Variants in KCTD14 observed in about 807,000 individuals in gnomAD.
KCTD14 encodes the protein potassium channel tetramerization domain containing 14.
In KCTD14, 7 loss-of-function variants were observed where a neutral mutation model predicts 5.9. The ratio of observed to expected loss-of-function variants is 1.19; its 90% CI spans 0.68 to 2.23. The LOEUF is 2.23. Ranked by LOEUF, KCTD14 falls within the 30% of genes most tolerant of loss-of-function variation. The pLI is 0.00. For synonymous variants in KCTD14, 140 were observed against 133.1 expected, an observed-to-expected ratio of 1.05 and a Z score of -0.36; for missense variants, 342 against 332.2, an observed-to-expected ratio of 1.03 and a Z score of -0.23.
At chr11:78,025,516 A>G (rs1417326621), upstream of KCTD14, among the ~76,000 whole-genome samples, 1 of 152,042 alleles carries the variant, frequency 6.6e-6, no homozygotes, top group East Asian at 1.9e-4. Flanking sequence ...CTTCAATCCA[A>G]TCAAGTTGAC....
intron 1 of KCTD14, among the ~76,000 whole-genome samples, chr11:78,021,591 C>A (rs11237359): frequency 0.81 from 122,881 of 151,704 alleles, 49,920 homozygotes; most frequent in Admixed American, 0.83. Context: ...GCTAATTTCT[C>A]TATTTTTTAT....
upstream of KCTD14, among the ~76,000 whole-genome samples, chr11:78,025,017 T>C (rs1857411818): frequency 6.7e-6 from 1 of 148,490 alleles, no homozygotes; most frequent in Non-Finnish European, 1.5e-5. Context: ...ATATATTCCA[T>C]TACTTTTTTA....
intron 1 of KCTD14, among the ~76,000 whole-genome samples, chr11:78,022,503 C>A (rs1050580367): frequency 6.6e-6 from 1 of 152,098 alleles, no homozygotes; most frequent in African/African-American, 2.4e-5. Context: ...TTAGAGAGAG[C>A]CACGCTGCCC....
chr11:78,023,805 G>A (rs1857370696), upstream of KCTD14: 1 of 153,686 alleles, frequency 6.5e-6, no homozygotes. Flanking sequence ...AATGGGGGAG[G>A]CAGAAGGAAT....
chr11:78,023,187 G>C lies in KCTD14; in HGVS notation c.63C>G (p.Pro21=). The change falls in exon 1 of 2, where the codon CCC becomes CCG. Residue 21 remains proline, a synonymous_variant. Coordinates refer to ENST00000353172, the MANE Select transcript of KCTD14 (RefSeq NM_023930.4). ...VGRMTSQTPL[P]QSPRPRRPTM... is the part of the protein sequence containing the mutation. The stretch of plus-strand genomic sequence containing the variant: ...TTGGCCGCCTGGGCCGGGGGGACTG[G>C]GGCAGAGGGGTCTGGCTCGTCATCC... 6.2e-7 allele frequency: 1 copy of C among 1,604,526 alleles called. No individual in the cohort carries two copies. The highest frequency in any genetic ancestry group is 8.5e-7 in the Non-Finnish European group (1 of 1,177,788).
Position 78,017,276 on chromosome 11 carries a change from G to A in KCTD14, c.91-6C>T, listed in dbSNP as rs1235537579. On this transcript the variant is annotated splice_polypyrimidine_tract_variant and splice_region_variant and intron_variant, in intron 1 of 1. Coordinates refer to ENST00000353172, the MANE Select transcript of KCTD14 (RefSeq NM_023930.4). ...AGCTCCACAACAGTAGACATCTGGG[G>A]GCACAAGAGGCAGAGTAAACCAACA... 3 of 1,575,874 alleles carry A rather than the reference G, an allele frequency of 1.9e-6. No homozygotes were observed. Among genetic ancestry groups the A allele is most frequent in the Non-Finnish European group, 2.6e-6 (3 of 1,156,016 alleles).
At chr11:78,018,681 T>C (rs1455403163) in intron 1 of KCTD14, among the ~76,000 whole-genome samples, 1 of 150,588 alleles carries the variant, frequency 6.6e-6, no homozygotes, top group African/African-American at 2.5e-5. Flanking sequence ...CACTCCAGCC[T>C]GCGCGACAGA....
intron 2 of KCTD14, among the ~76,000 whole-genome samples, chr11:78,032,211 G>T (rs1209301978): frequency 6.6e-6 from 1 of 152,186 alleles, no homozygotes; most frequent in Non-Finnish European, 1.5e-5. Context: ...TTGGGTCCCA[G>T]CCCCAGCAAG....
chr11:78,039,840 G>A (rs141409892), intron 1 of KCTD14, among the ~76,000 whole-genome samples: 239 of 152,098 alleles, frequency 1.6e-3, no homozygotes, highest in Non-Finnish European at 2.6e-3. Flanking sequence ...TTAAAATGGC[G>A]ACAGAGCATT....
At chr11:78,028,616 A>C (rs1273801959) in intron 2 of KCTD14, among the ~76,000 whole-genome samples, 1 of 151,692 alleles carries the variant, frequency 6.6e-6, no homozygotes, top group Non-Finnish European at 1.5e-5. Context: ...AAAAAAAAAA[A>C]AAAAGCAGCC....
chr11:78,038,131 A>G (rs1183084781), intron 2 of KCTD14, among the ~76,000 whole-genome samples: 1 of 152,036 alleles, frequency 6.6e-6, no homozygotes, highest in Non-Finnish European at 1.5e-5. Context: ...CTTCCCATGT[A>G]AGGGTTTCTG....
At chr11:78,029,402 C>G (rs1591185345) in intron 2 of KCTD14, among the ~76,000 whole-genome samples, 1 of 152,076 alleles carries the variant, frequency 6.6e-6, no homozygotes, top group Non-Finnish European at 1.5e-5. Flanking sequence ...ACTGCTGTCA[C>G]CTGACAGGAT....
At chr11:78,036,686 G>T (rs1038844997) in intron 2 of KCTD14, among the ~76,000 whole-genome samples, 1 of 152,192 alleles carries the variant, frequency 6.6e-6, no homozygotes, top group Non-Finnish European at 1.5e-5. Context: ...TTTGAAGGCT[G>T]TCATCAATGA....
intron 1 of KCTD14, among the ~76,000 whole-genome samples, chr11:78,043,132 A>G (rs773530001): frequency 1.5e-4 from 23 of 152,174 alleles, no homozygotes; most frequent in Non-Finnish European, 2.5e-4. Context: ...TACAGGAGTG[A>G]GCCACCGCAC....
At chr11:78,035,307 C>T (rs1002770348) in intron 2 of KCTD14, among the ~76,000 whole-genome samples, 7 of 152,150 alleles carry the variant, frequency 4.6e-5, no homozygotes, top group African/African-American at 1.4e-4. Flanking sequence ...GGGAGCTTAG[C>T]GGGAGATCAG....
At chr11:78,023,311 G>T, upstream of KCTD14, 1 of 1,542,958 alleles carries the variant, frequency 6.5e-7, no homozygotes, top group Non-Finnish European at 8.8e-7. Context: ...GAACACCGAG[G>T]CTCAAGGCGG....
At chr11:78,022,882 G>C (rs1857342230) in intron 1 of KCTD14, 4 of 420,394 alleles carry the variant, frequency 9.5e-6, no homozygotes, top group Admixed American at 4.2e-5. Context: ...AGGAACTAAA[G>C]ACCCAATGTA....
intron 2 of KCTD14, among the ~76,000 whole-genome samples, chr11:78,032,496 T>A (rs1017261380): frequency 3.3e-5 from 5 of 152,198 alleles, no homozygotes; most frequent in African/African-American, 4.8e-5. Context: ...TAAAGGAAGA[T>A]TAAAACCACC....
chr11:78,039,277 G>A (rs112285617), intron 1 of KCTD14, among the ~76,000 whole-genome samples: 11,881 of 151,966 alleles, frequency 0.078, 1,507 homozygotes, highest in African/African-American at 0.27. Context: ...AGCACTTTGA[G>A]AGGCCGAGGC....
Sources: gnomAD v4.1 joint callset for allele counts (sites outside exome capture counted in the v4.1 genomes callset) on GRCh38, gnomAD v4.1.1 for gene constraint, MANE v1.5 for transcripts, NCBI Gene and HGNC (gene_info 2026-07-23, HGNC 2026-07-21) for gene names.